The following FHIT variants were observed in gnomAD, a reference collection of about 807,000 sequenced individuals.
The protein encoded by FHIT is fragile histidine triad diadenosine triphosphatase, also known as bis(5'-adenosyl)-triphosphatase.
In FHIT, 19 loss-of-function variants were observed where a neutral mutation model predicts 17.9. The ratio of observed to expected loss-of-function variants is 1.06; its 90% CI spans 0.74 to 1.56. FHIT has a LOEUF of 1.56. Ranked by LOEUF, FHIT falls within the 40% of genes most tolerant of loss-of-function variation. FHIT has a pLI of 0.00. For missense variants in FHIT, 248 were observed against 189.2 expected (o/e 1.31, Z -1.82); for synonymous variants, 81 against 69.7 (o/e 1.16, Z -0.81).
intron 4 of FHIT, among the ~76,000 whole-genome samples, chr3:60,783,069 A>G (rs1489450486): frequency 2.0e-5 from 3 of 152,064 alleles, no homozygotes; most frequent in African/African-American, 7.2e-5. Context: ...TGCAGCCTCA[A>G]CTTCCCCAGA....
intron 5 of FHIT, among the ~76,000 whole-genome samples, chr3:60,475,800 A>G (rs779549924): frequency 2.0e-5 from 3 of 152,158 alleles, no homozygotes; most frequent in Non-Finnish European, 2.9e-5. Context: ...TCCACCCCTG[A>G]CCTCATGTGA....
intron 8 of FHIT, among the ~76,000 whole-genome samples, chr3:59,843,090 T>A: frequency 6.6e-6 from 1 of 152,158 alleles, no homozygotes; most frequent in East Asian, 1.9e-4. Context: ...TGGTGTAAGG[T>A]AAGGAATGTA....
At chr3:60,926,426 G>A (rs143739067) in intron 3 of FHIT, among the ~76,000 whole-genome samples, 1 of 152,270 alleles carries the variant, frequency 6.6e-6, no homozygotes, top group Non-Finnish European at 1.5e-5. Context: ...ACAACTACAT[G>A]GAAACTGAAC....
At chr3:60,495,478 A>G (rs1047932696) in intron 5 of FHIT, among the ~76,000 whole-genome samples, 15 of 152,136 alleles carry the variant, frequency 9.9e-5, no homozygotes, top group Non-Finnish European at 1.5e-4. Context: ...TTTTACTCCC[A>G]GATTTTTCCA....
At chr3:60,423,269 C>T (rs1363498599) in intron 5 of FHIT, among the ~76,000 whole-genome samples, 1 of 152,224 alleles carries the variant, frequency 6.6e-6, no homozygotes, top group South Asian at 2.1e-4. Context: ...GGTGAATCAA[C>T]CAACCCTGAA....
intron 5 of FHIT, among the ~76,000 whole-genome samples, chr3:60,274,886 G>A (rs192498634): frequency 5.3e-4 from 81 of 152,186 alleles, no homozygotes; most frequent in Non-Finnish European, 5.0e-4. Flanking sequence ...GCAATAGGAA[G>A]TTCTATAACT....
intron 4 of FHIT, among the ~76,000 whole-genome samples, chr3:60,673,604 A>G (rs2040557808): frequency 6.6e-6 from 1 of 152,172 alleles, no homozygotes; most frequent in Non-Finnish European, 1.5e-5. Context: ...ATGGTTTGAT[A>G]GGTACAGCAA....
intron 2 of FHIT, among the ~76,000 whole-genome samples, chr3:61,111,006 C>T (rs1422638640): frequency 6.6e-6 from 1 of 152,112 alleles, no homozygotes; most frequent in African/African-American, 2.4e-5. Flanking sequence ...ACTATGGCCC[C>T]CGAAACAAAC....
intron 5 of FHIT, among the ~76,000 whole-genome samples, chr3:60,529,279 T>C (rs376944962): frequency 6.0e-4 from 92 of 152,276 alleles, no homozygotes; most frequent in African/African-American, 2.0e-3. Flanking sequence ...TGAACACATA[T>C]ACGTATTTTG....
At chr3:60,414,819 A>G (rs543408853) in intron 5 of FHIT, among the ~76,000 whole-genome samples, 1 of 152,296 alleles carries the variant, frequency 6.6e-6, no homozygotes, top group South Asian at 2.1e-4. Context: ...TCTAAATTAT[A>G]AGTAAAGAAG....
intron 4 of FHIT, among the ~76,000 whole-genome samples, chr3:60,638,965 C>G (rs538054896): frequency 3.0e-4 from 44 of 147,018 alleles, no homozygotes; most frequent in African/African-American, 8.9e-4. Context: ...ATACATCAGA[C>G]TAATCCTCCT....
At chr3:60,235,548 T>C (rs554897063) in intron 5 of FHIT, among the ~76,000 whole-genome samples, 55 of 152,252 alleles carry the variant, frequency 3.6e-4, no homozygotes, top group African/African-American at 1.3e-3. Flanking sequence ...CTTTTAAGTA[T>C]TGTTTTCCTT....
chr3:59,986,877 A>G (rs1232203568), intron 7 of FHIT, among the ~76,000 whole-genome samples: 1 of 109,932 alleles, frequency 9.1e-6, no homozygotes, highest in Non-Finnish European at 1.7e-5. Flanking sequence ...AATATTTCAT[A>G]TTTTTATATA....
chr3:60,433,158 A>G (rs944074056), intron 5 of FHIT, among the ~76,000 whole-genome samples: 5 of 152,106 alleles, frequency 3.3e-5, no homozygotes, highest in East Asian at 3.9e-4. Flanking sequence ...GATTTCTCAT[A>G]TAAGTGGAAT....
intron 3 of FHIT, among the ~76,000 whole-genome samples, chr3:60,945,990 G>A (rs569251140): frequency 1.8e-4 from 28 of 152,202 alleles, no homozygotes; most frequent in Non-Finnish European, 3.5e-4. Flanking sequence ...GCCCAAAGTA[G>A]GTGGAAAGCT....
intron 3 of FHIT, among the ~76,000 whole-genome samples, chr3:60,971,110 G>A (rs1709983461): frequency 1.3e-5 from 2 of 152,162 alleles, no homozygotes; most frequent in Non-Finnish European, 2.9e-5. Context: ...GCTTACACCT[G>A]TAATCCCAGC....
intron 5 of FHIT, among the ~76,000 whole-genome samples, chr3:60,520,118 G>C (rs796438730): frequency 1.9e-4 from 29 of 152,244 alleles, no homozygotes; most frequent in African/African-American, 7.0e-4. Context: ...GACTGTGTTT[G>C]TGTGCCTACG....
intron 5 of FHIT, among the ~76,000 whole-genome samples, chr3:60,312,624 A>C (rs1039926562): frequency 6.6e-6 from 1 of 152,166 alleles, no homozygotes; most frequent in Admixed American, 6.5e-5. Context: ...GAGATTCTGC[A>C]TTTCCAATAG....
At chr3:60,194,325 A>G (rs1576287813) in intron 5 of FHIT, among the ~76,000 whole-genome samples, 1 of 152,216 alleles carries the variant, frequency 6.6e-6, no homozygotes, top group African/African-American at 2.4e-5. Flanking sequence ...ATTAAAAAAC[A>G]TAAACTGGGG....
Sources: gnomAD v4.1 joint callset for allele counts (sites outside exome capture counted in the v4.1 genomes callset) on GRCh38, gnomAD v4.1.1 for gene constraint, MANE v1.5 for transcripts, NCBI Gene and HGNC (gene_info 2026-07-23, HGNC 2026-07-21) for gene names.